Variants in CACNA1C observed in about 807,000 individuals in gnomAD.
CACNA1C encodes calcium voltage-gated channel subunit alpha1 C, also known as voltage-dependent L-type calcium channel subunit alpha-1C.
In CACNA1C, 30 loss-of-function variants were observed where a neutral mutation model predicts 229.0. The observed-to-expected ratio is 0.13, with a 90% CI of 0.10 to 0.18. CACNA1C has a LOEUF of 0.18. CACNA1C is among the 10% of genes least tolerant of loss of function. The pLI is 1.00. For synonymous variants in CACNA1C, 1,114 were observed against 1,132.5 expected, an observed-to-expected ratio of 0.98 and a Z score of 0.33; for missense variants, 1,658 against 2,845.0, an observed-to-expected ratio of 0.58 and a Z score of 9.49.
intron 3 of CACNA1C, among the ~76,000 whole-genome samples, chr12:2,379,073 C>A (rs767609521): frequency 1.3e-5 from 2 of 152,174 alleles, no homozygotes; most frequent in Non-Finnish European, 2.9e-5. Context: ...TATTTCAGTT[C>A]CTTTTTGGTT....
At chr12:2,519,462 A>C (rs2099805281) in intron 9 of CACNA1C, among the ~76,000 whole-genome samples, 1 of 152,126 alleles carries the variant, frequency 6.6e-6, no homozygotes, top group South Asian at 2.1e-4. Flanking sequence ...ACATCCTTTC[A>C]AAGTCATTTC....
At chr12:2,249,309 T>A (rs2074616243) in intron 3 of CACNA1C, among the ~76,000 whole-genome samples, 1 of 152,208 alleles carries the variant, frequency 6.6e-6, no homozygotes, top group Admixed American at 6.5e-5. Context: ...GCCTGCCATC[T>A]GCTTTTGTAA....
At chr12:2,003,927 T>C (rs1444902089) in intron 1 of CACNA1C, among the ~76,000 whole-genome samples, 1 of 152,174 alleles carries the variant, frequency 6.6e-6, no homozygotes, top group Non-Finnish European at 1.5e-5. Flanking sequence ...ACAGATTCAC[T>C]GTAACAGAAC....
intron 3 of CACNA1C, among the ~76,000 whole-genome samples, chr12:2,204,669 C>G (rs544905448): frequency 6.6e-6 from 1 of 150,536 alleles, no homozygotes; most frequent in Admixed American, 6.6e-5. Flanking sequence ...TGGAAATCAT[C>G]ATTCTCAGTA....
At chr12:2,093,487 TGGAAGTG>T (rs1273903710) in intron 1 of CACNA1C, among the ~76,000 whole-genome samples, 1 of 152,182 alleles carries the variant, frequency 6.6e-6, no homozygotes. Flanking sequence ...GCTGCACAGA[TGGAAGTG>T]GGTATGCTTT....
intron 3 of CACNA1C, among the ~76,000 whole-genome samples, chr12:2,186,870 C>T (rs1340640648): frequency 6.6e-6 from 1 of 152,160 alleles, no homozygotes; most frequent in African/African-American, 2.4e-5. Flanking sequence ...TCAGGTCTGC[C>T]TGACCCAGAG....
intron 8 of CACNA1C, among the ~76,000 whole-genome samples, chr12:2,506,569 T>C (rs1860099): frequency 0.07 from 10,631 of 152,232 alleles, 1,251 homozygotes; most frequent in African/African-American, 0.24. Context: ...ATGATTATTA[T>C]TTACTTGGTG....
At chr12:2,017,249 G>C (rs2045553917) in intron 1 of CACNA1C, among the ~76,000 whole-genome samples, 1 of 152,160 alleles carries the variant, frequency 6.6e-6, no homozygotes, top group African/African-American at 2.4e-5. Context: ...CGGAAACCCT[G>C]GCACACGGGT....
At chr12:2,321,321 A>G (rs746403070) in intron 3 of CACNA1C, among the ~76,000 whole-genome samples, 12 of 151,704 alleles carry the variant, frequency 7.9e-5, no homozygotes, top group Non-Finnish European at 1.8e-4. Context: ...TGTTAGGGCA[A>G]CATAGCTTTT....
intron 3 of CACNA1C, among the ~76,000 whole-genome samples, chr12:2,146,591 C>T (rs2094731135): frequency 6.6e-6 from 1 of 150,972 alleles, no homozygotes; most frequent in African/African-American, 2.4e-5. Context: ...GGGCACAGGC[C>T]TAGGGAAGGG....
At chr12:2,436,340 C>T (rs2099134546) in intron 3 of CACNA1C, among the ~76,000 whole-genome samples, 1 of 152,182 alleles carries the variant, frequency 6.6e-6, no homozygotes, top group Non-Finnish European at 1.5e-5. Context: ...CTGTGTCCTC[C>T]AGCTGTAGAT....
intron 13 of CACNA1C, among the ~76,000 whole-genome samples, chr12:2,568,696 A>G (rs773169639): frequency 3.3e-5 from 5 of 152,152 alleles, no homozygotes; most frequent in East Asian, 1.9e-4. Flanking sequence ...GATTCCATTT[A>G]TATGTGGCTC....
intron 6 of CACNA1C, among the ~76,000 whole-genome samples, chr12:2,491,046 A>G (rs1251973000): frequency 6.6e-6 from 1 of 152,250 alleles, no homozygotes; most frequent in African/African-American, 2.4e-5. Flanking sequence ...GCTCAGCAAT[A>G]AAGAGGAACA....
At chr12:2,115,000 G>A (rs2083267680) in intron 1 of CACNA1C, among the ~76,000 whole-genome samples, 1 of 152,220 alleles carries the variant, frequency 6.6e-6, no homozygotes, top group African/African-American at 2.4e-5. Flanking sequence ...GGAGACTAGA[G>A]CGGAGTGACA....
chr12:2,476,527 A>G (rs1159768799), intron 5 of CACNA1C, among the ~76,000 whole-genome samples: 3 of 152,228 alleles, frequency 2.0e-5, no homozygotes, highest in African/African-American at 7.2e-5. Flanking sequence ...AATGGTAGTT[A>G]ATACTATTAT....
rs76626694 is a variant in CACNA1C, at chr12:2,185,314, C to T, written c.477+64884C>T. ...GCACTTCCTGCACCGCTCCCCACCC[C>T]GTCTACTCTCCATATCCCACCACGC... On this transcript the variant is annotated intron_variant, in intron 3 of 46. Coordinates refer to ENST00000399655, the MANE Select transcript of CACNA1C (RefSeq NM_000719.7). Among the ~76,000 whole-genome samples the T allele has an allele frequency of 5.8e-3, 880 of 152,324 alleles. 7 individuals are homozygous for T. The highest frequency in any genetic ancestry group is 0.02 in the African/African-American group (839 of 41,564).
At chr12:2,497,243 C>T (rs2099748546) in intron 7 of CACNA1C, among the ~76,000 whole-genome samples, 1 of 152,164 alleles carries the variant, frequency 6.6e-6, no homozygotes, top group South Asian at 2.1e-4. Context: ...CTGAGCATGA[C>T]CTCTTACACA....
chr12:2,550,597 C>T (rs746679026), intron 10 of CACNA1C: 19 of 1,351,336 alleles, frequency 1.4e-5, no homozygotes, highest in Admixed American at 9.5e-5. Context: ...TGGGGTGTCA[C>T]GACTGTAAAC....
chr12:2,402,178 G>T (rs1239666203), intron 3 of CACNA1C, among the ~76,000 whole-genome samples: 2 of 152,260 alleles, frequency 1.3e-5, no homozygotes. Flanking sequence ...ACCAAAGCTA[G>T]ACAATTATCC....
Sources: allele counts gnomAD v4.1 joint callset (sites outside exome capture counted in the v4.1 genomes callset), GRCh38; gene constraint gnomAD v4.1.1; transcripts MANE v1.5; gene names NCBI Gene and HGNC (gene_info 2026-07-23, HGNC 2026-07-21).